The following KCNH1 variants were observed in gnomAD, a reference collection of about 807,000 sequenced individuals.
The protein encoded by KCNH1 is potassium voltage-gated channel subfamily H member 1, also known as voltage-gated delayed rectifier potassium channel KCNH1.
KCNH1 carries 27 observed loss-of-function variants against 69.2 expected under a neutral mutation model. That is an observed-to-expected ratio of 0.39 (90% CI 0.29 to 0.54). The LOEUF is 0.54. Ranked by LOEUF, KCNH1 falls within the 20% of genes least tolerant of loss-of-function variation. KCNH1 has a pLI of 0.68. For missense variants in KCNH1, 798 were observed against 1,261.6 expected (o/e 0.63, Z 5.57); for synonymous variants, 456 against 487.7 (o/e 0.93, Z 0.86).
chr1:210,794,706 CTGAGCATGGAAAGGCAT>C (rs1684274246), intron 9 of KCNH1, among the ~76,000 whole-genome samples: 1 of 152,106 alleles, frequency 6.6e-6, no homozygotes, highest in Non-Finnish European at 1.5e-5. Context: ...AAGGGATGCC[CTGAGCATGGAAAGGCAT>C]ATGGTAAGTT....
chr1:210,991,603 CCACACA>C (rs67518284), intron 6 of KCNH1, among the ~76,000 whole-genome samples: 57,199 of 148,294 alleles, frequency 0.39, 11,053 homozygotes, highest in Non-Finnish European at 0.42. Flanking sequence ...TCTGTTCTTG[CCACACA>C]CACACACACA....
intron 5 of KCNH1, among the ~76,000 whole-genome samples, chr1:211,066,076 T>A (rs1200190952): frequency 6.6e-6 from 1 of 152,104 alleles, no homozygotes; most frequent in Non-Finnish European, 1.5e-5. Context: ...AATTTTTTTT[T>A]AATGTGGAAA....
chr1:210,687,623 T>A (rs1681434341), intron 10 of KCNH1, among the ~76,000 whole-genome samples: 1 of 151,010 alleles, frequency 6.6e-6, no homozygotes, highest in Non-Finnish European at 1.5e-5. Context: ...GCAAAAGGAG[T>A]TTTTACAGAG....
chr1:210,814,107 G>A (rs1234689093), intron 7 of KCNH1, among the ~76,000 whole-genome samples: 2 of 152,012 alleles, frequency 1.3e-5, no homozygotes, highest in Admixed American at 1.3e-4. Flanking sequence ...TAGTAACAAT[G>A]GGAAGAAAAA....
intron 3 of KCNH1, among the ~76,000 whole-genome samples, chr1:211,097,838 G>A (rs529442882): frequency 2.6e-5 from 4 of 152,190 alleles, no homozygotes; most frequent in Non-Finnish European, 5.9e-5. Flanking sequence ...ATTCCAGGCC[G>A]CCAGCCACAC....
intron 6 of KCNH1, among the ~76,000 whole-genome samples, chr1:210,969,202 A>G (rs931596603): frequency 9.9e-5 from 15 of 152,124 alleles, no homozygotes; most frequent in African/African-American, 3.1e-4. Flanking sequence ...ATCCATCCTC[A>G]TGAGTGAGGT....
At chr1:210,881,698 A>T (rs1014732268) in intron 7 of KCNH1, among the ~76,000 whole-genome samples, 9 of 152,216 alleles carry the variant, frequency 5.9e-5, no homozygotes, top group Non-Finnish European at 1.0e-4. Flanking sequence ...ATTATTCAGT[A>T]CTAAAAAGAA....
intron 10 of KCNH1, among the ~76,000 whole-genome samples, chr1:210,767,206 C>T (rs1049435593): frequency 4.6e-5 from 7 of 152,176 alleles, no homozygotes; most frequent in African/African-American, 1.4e-4. Context: ...TAGAAAACAT[C>T]CTTTGACAGC....
chr1:210,969,347 A>G (rs1025817842), intron 6 of KCNH1, among the ~76,000 whole-genome samples: 1 of 152,074 alleles, frequency 6.6e-6, no homozygotes, highest in Non-Finnish European at 1.5e-5. Flanking sequence ...AACTTTTTAT[A>G]TAAAACTTTA....
At chr1:211,033,996 A>C (rs774276469) in intron 5 of KCNH1, among the ~76,000 whole-genome samples, 2 of 152,214 alleles carry the variant, frequency 1.3e-5, no homozygotes, top group Non-Finnish European at 2.9e-5. Flanking sequence ...TAGGAATGTA[A>C]AATGGTGCGG....
At chr1:211,022,572 T>C (rs1689605576) in intron 5 of KCNH1, among the ~76,000 whole-genome samples, 1 of 152,044 alleles carries the variant, frequency 6.6e-6, no homozygotes, top group Non-Finnish European at 1.5e-5. Flanking sequence ...TGCAAACTAT[T>C]CATCTGACAA....
chr1:210,967,675 C>T (rs181904330), intron 6 of KCNH1, among the ~76,000 whole-genome samples: 103 of 152,138 alleles, frequency 6.8e-4, no homozygotes, highest in African/African-American at 2.3e-3. Flanking sequence ...CATATTGTCC[C>T]AATTATTAGG....
chr1:210,701,553 A>G (rs1681781385), intron 10 of KCNH1, among the ~76,000 whole-genome samples: 1 of 152,174 alleles, frequency 6.6e-6, no homozygotes, highest in South Asian at 2.1e-4. Flanking sequence ...GTTATTTATT[A>G]GCAATGCTTG....
intron 6 of KCNH1, among the ~76,000 whole-genome samples, chr1:210,936,166 T>C (rs186307726): frequency 2.6e-5 from 4 of 152,304 alleles, no homozygotes; most frequent in African/African-American, 4.8e-5. Flanking sequence ...CCATAGCAAA[T>C]TCTGCAGGTA....
intron 9 of KCNH1, among the ~76,000 whole-genome samples, chr1:210,778,544 A>AAG (rs1201452367): frequency 2.0e-5 from 3 of 151,928 alleles, no homozygotes; most frequent in Admixed American, 2.0e-4. Context: ...AAAAAAAAAA[A>AAG]AAAATTACCT....
At chr1:211,009,957 G>A (rs1198759858) in intron 6 of KCNH1, among the ~76,000 whole-genome samples, 1 of 152,154 alleles carries the variant, frequency 6.6e-6, no homozygotes, top group African/African-American at 2.4e-5. Context: ...AGAAGCAAGA[G>A]GATCAGGGGA....
intron 4 of KCNH1, among the ~76,000 whole-genome samples, chr1:211,088,197 G>A (rs182301859): frequency 6.6e-6 from 1 of 152,334 alleles, no homozygotes; most frequent in Admixed American, 6.5e-5. Flanking sequence ...GGAATTTTCT[G>A]AGATTTTAGA....
chr1:211,020,865 C>T (rs1355009612), intron 5 of KCNH1, among the ~76,000 whole-genome samples: 1 of 151,240 alleles, frequency 6.6e-6, no homozygotes, highest in Admixed American at 6.6e-5. Context: ...TGATGCATCA[C>T]ATCAGCAGTA....
chr1:211,129,010 C>G (rs1558616839), intron 1 of KCNH1, among the ~76,000 whole-genome samples: 1 of 152,204 alleles, frequency 6.6e-6, no homozygotes, highest in Non-Finnish European at 1.5e-5. Context: ...TAGTCAAACA[C>G]AGGCTGGAGA....
Sources: allele counts gnomAD v4.1 joint callset (sites outside exome capture counted in the v4.1 genomes callset), GRCh38; gene constraint gnomAD v4.1.1; transcripts MANE v1.5; gene names NCBI Gene and HGNC (gene_info 2026-07-23, HGNC 2026-07-21).